MTUS2: variants seen among roughly 807,000 people sequenced by gnomAD.
The protein encoded by MTUS2 is microtubule associated scaffold protein 2, also known as microtubule-associated tumor suppressor candidate 2.
In MTUS2, 40 loss-of-function variants were observed where a neutral mutation model predicts 114.1. The observed-to-expected ratio is 0.35, with a 90% CI of 0.27 to 0.46. MTUS2 has a LOEUF of 0.46. Among genes scored for constraint, MTUS2 ranks in the 20% least tolerant of loss-of-function variants. The pLI is 1.00. For missense variants in MTUS2, 1,679 were observed against 1,705.4 expected (o/e 0.98, Z 0.27); for synonymous variants, 688 against 672.0 (o/e 1.02, Z -0.37).
chr13:29,342,619 C>G (rs1593325657), intron 7 of MTUS2, among the ~76,000 whole-genome samples: 1 of 152,190 alleles, frequency 6.6e-6, no homozygotes, highest in Middle Eastern at 3.4e-3. Flanking sequence ...GACAGTTTGA[C>G]TTTCTCTTTA....
At chr13:29,191,451 A>G (rs546338243) in intron 5 of MTUS2, among the ~76,000 whole-genome samples, 7 of 152,290 alleles carry the variant, frequency 4.6e-5, no homozygotes, top group African/African-American at 1.4e-4. Context: ...CCTGGGCTCC[A>G]CATAACTGAG....
chr13:29,394,320 A>G (rs1873737959), intron 8 of MTUS2, among the ~76,000 whole-genome samples: 1 of 152,112 alleles, frequency 6.6e-6, no homozygotes, highest in African/African-American at 2.4e-5. Flanking sequence ...ACAGGTAATC[A>G]TTGGTTTGGT....
At chr13:29,389,852 TATATAC>T (rs1873206113) in intron 8 of MTUS2, among the ~76,000 whole-genome samples, 1 of 14,400 alleles carries the variant, frequency 6.9e-5, no homozygotes, top group African/African-American at 1.6e-4. Context: ...CATATGTGTA[TATATAC>T]ATACATATGT....
intron 2 of MTUS2, among the ~76,000 whole-genome samples, chr13:28,944,897 G>A (rs558693785): frequency 1.3e-5 from 2 of 152,266 alleles, no homozygotes; most frequent in African/African-American, 4.8e-5. Flanking sequence ...TAGTGGTGAA[G>A]CCTGATCTTT....
At chr13:29,358,498 C>G (rs767833927) in intron 7 of MTUS2, among the ~76,000 whole-genome samples, 11 of 152,202 alleles carry the variant, frequency 7.2e-5, no homozygotes, top group Non-Finnish European at 1.2e-4. Flanking sequence ...TGTGGACTTC[C>G]TATTCATCGT....
intron 5 of MTUS2, among the ~76,000 whole-genome samples, chr13:29,111,788 GAAATA>G (rs1160041386): frequency 2.0e-5 from 3 of 152,080 alleles, no homozygotes; most frequent in East Asian, 1.9e-4. Context: ...TTTGCAAGGA[GAAATA>G]AAATAATTTA....
At chr13:28,987,848 G>A (rs772396291) in intron 2 of MTUS2, among the ~76,000 whole-genome samples, 4 of 152,150 alleles carry the variant, frequency 2.6e-5, no homozygotes, top group African/African-American at 4.8e-5. Flanking sequence ...GGTTAAAATG[G>A]TACAATTTTT....
At chr13:29,084,459 A>G (rs939459193) in intron 4 of MTUS2, among the ~76,000 whole-genome samples, 4 of 151,310 alleles carry the variant, frequency 2.6e-5, no homozygotes, top group Non-Finnish European at 5.9e-5. Flanking sequence ...TCAAATCAGT[A>G]TTGTCAGGGT....
rs149537375 is a variant in MTUS2 at position 29,081,765 on chromosome 13, T to TTTTTG, written c.2447-18983_2447-18979dup. ...CGAGAGATTACCAGAGGTTTGGTTA[T>TTTTTG]TTTTGTTTTGTTTTGTTTTGTTTTG... is the stretch of plus-strand genomic sequence containing the variant. On this transcript the variant is annotated intron_variant, in intron 4 of 15. Coordinates refer to ENST00000612955, the MANE Select transcript of MTUS2 (RefSeq NM_001033602.4). Among the ~76,000 whole-genome samples the TTTTTG allele has an allele frequency of 1.1e-4, 16 of 151,372 alleles. No homozygotes were observed. In the East Asian group the frequency reaches 2.8e-3, roughly 26 times the overall value.
At chr13:29,095,220 CATT>C (rs982455846) in intron 4 of MTUS2, among the ~76,000 whole-genome samples, 6 of 152,030 alleles carry the variant, frequency 3.9e-5, no homozygotes, top group Admixed American at 3.9e-4. Context: ...TCTTCTGCCT[CATT>C]GTTCTATTAT....
intron 14 of MTUS2, among the ~76,000 whole-genome samples, chr13:29,500,054 ACCCATCTTCCCCCTCCTGGCTTGG>A (rs527346745): frequency 6.3e-4 from 96 of 152,320 alleles, no homozygotes; most frequent in Non-Finnish European, 1.2e-3. Context: ...GAGAGCAGCC[ACCCATCTTCCCCCTCCTGGCTTGG>A]CCATTTGCAT....
chr13:29,443,608 C>T (rs368416666), intron 9 of MTUS2, among the ~76,000 whole-genome samples: 2 of 152,214 alleles, frequency 1.3e-5, no homozygotes, highest in South Asian at 2.1e-4. Context: ...CAGCAAGCAC[C>T]CAGTCTGCAG....
At chr13:29,456,252 A>T (rs1477384851) in intron 9 of MTUS2, among the ~76,000 whole-genome samples, 2 of 152,164 alleles carry the variant, frequency 1.3e-5, no homozygotes, top group Admixed American at 6.5e-5. Flanking sequence ...CAGATTGGAG[A>T]CTGCAGAAAA....
intron 5 of MTUS2, among the ~76,000 whole-genome samples, chr13:29,256,823 C>T (rs894469227): frequency 1.3e-5 from 2 of 152,200 alleles, no homozygotes; most frequent in African/African-American, 4.8e-5. Flanking sequence ...AGTTCCTCCT[C>T]CAAATCGGGG....
chr13:29,460,248 C>G (rs1489005977), intron 9 of MTUS2, among the ~76,000 whole-genome samples: 1 of 152,120 alleles, frequency 6.6e-6, no homozygotes, highest in Admixed American at 6.5e-5. Flanking sequence ...AAAACCATGC[C>G]TGTTTTTCCT....
chr13:29,352,143 GACTGA>G (rs1202759053), intron 7 of MTUS2, among the ~76,000 whole-genome samples: 2 of 152,188 alleles, frequency 1.3e-5, no homozygotes, highest in Non-Finnish European at 2.9e-5. Flanking sequence ...GCAGAAAATA[GACTGA>G]ACTGAGTTAA....
chr13:29,404,860 G>A (rs1874631516), intron 8 of MTUS2, among the ~76,000 whole-genome samples: 1 of 152,238 alleles, frequency 6.6e-6, no homozygotes. Context: ...AATAAGCTAA[G>A]CTAAAGAAGA....
chr13:29,487,977 G>A lies in MTUS2; in HGVS notation c.3477G>A (p.Leu1159=). The A allele has an allele frequency of 6.2e-7, 1 of 1,614,024 alleles. No individual in the cohort carries two copies. Among genetic ancestry groups the A allele is most frequent in the Non-Finnish European group, 8.5e-7 (1 of 1,180,010 alleles). The change falls in exon 11 of 16, where the codon CTG becomes CTA. Residue 1159 remains leucine, a synonymous_variant. Transcript: ENST00000612955. ...ENNHTVAITI[L]QDDHDHKVQE... Reference sequence around the variant, plus strand: ...ACCACACAGTTGCCATCACAATCCTGCAGGATGACCACGACCACAAAGTCC... The same window carrying A: ...ACCACACAGTTGCCATCACAATCCTACAGGATGACCACGACCACAAAGTCC...
intron 2 of MTUS2, among the ~76,000 whole-genome samples, chr13:28,928,974 ATAT>A (rs1163416553): frequency 2.6e-5 from 4 of 152,350 alleles, no homozygotes; most frequent in Admixed American, 2.6e-4. Context: ...ACACAATGGA[ATAT>A]TATTGAGTTA....
Sources: allele counts gnomAD v4.1 joint callset (sites outside exome capture counted in the v4.1 genomes callset), GRCh38; gene constraint gnomAD v4.1.1; transcripts MANE v1.5; gene names NCBI Gene and HGNC (gene_info 2026-07-23, HGNC 2026-07-21).